Variants in AIG1 observed in about 807,000 individuals in gnomAD.
AIG1 encodes androgen-induced gene 1 protein.
In AIG1, 23 loss-of-function variants were observed where a neutral mutation model predicts 31.4. That is an observed-to-expected ratio of 0.73 (90% CI 0.53 to 1.04). The LOEUF is 1.04. AIG1 is among the 50% of genes least tolerant of loss of function. The pLI is 0.00. For missense variants in AIG1, 274 were observed against 295.0 expected (o/e 0.93, Z 0.52); for synonymous variants, 100 against 110.5 (o/e 0.90, Z 0.60).
rs1562481204 is a variant in AIG1 at position 143,196,390 on chromosome 6, CACACA to C, written c.399+31208_399+31212del. On this transcript the variant is annotated intron_variant, in intron 3 of 5. Coordinates refer to ENST00000357847, the MANE Select transcript of AIG1 (RefSeq NM_016108.4). Reference sequence around the variant, plus strand: ...ACACACACACACACACACACACACACACACACCCCAATTTGATAAGTTGGAAAACT... The same window carrying C: ...ACACACACACACACACACACACACACCCCCAATTTGATAAGTTGGAAAACT... 2.3e-4 allele frequency among the ~76,000 whole-genome samples: 35 copies of C among 149,824 alleles called. 1 individual carries two copies. The East Asian group carries it at 6.4e-3, about 27-fold the overall frequency.
intron 2 of AIG1, among the ~76,000 whole-genome samples, chr6:143,138,390 A>G (rs1013878789): frequency 3.3e-5 from 5 of 152,174 alleles, no homozygotes; most frequent in Admixed American, 3.3e-4. Context: ...AAAGATACAT[A>G]CTTTCTGCAT....
At chr6:143,237,624 T>C (rs541707385) in intron 3 of AIG1, among the ~76,000 whole-genome samples, 5 of 152,216 alleles carry the variant, frequency 3.3e-5, no homozygotes, top group African/African-American at 4.8e-5. Flanking sequence ...ACCTATTCAG[T>C]AGATAACATG....
At chr6:143,118,855 A>G (rs1781981615) in intron 1 of AIG1, among the ~76,000 whole-genome samples, 1 of 152,004 alleles carries the variant, frequency 6.6e-6, no homozygotes, top group South Asian at 2.1e-4. Context: ...GAGTGTCCCA[A>G]AGAAAGAATT....
intron 4 of AIG1, among the ~76,000 whole-genome samples, chr6:143,306,264 C>T (rs1235597682): frequency 6.6e-6 from 1 of 151,934 alleles, no homozygotes; most frequent in African/African-American, 2.4e-5. Context: ...TTGATCCTGT[C>T]ATTTTGATGT....
intron 2 of AIG1, among the ~76,000 whole-genome samples, chr6:143,146,063 G>C (rs1052641705): frequency 6.6e-6 from 1 of 152,026 alleles, no homozygotes; most frequent in Non-Finnish European, 1.5e-5. Context: ...TTTGTCAGAG[G>C]TGTCCCTTGC....
rs531059958 is a variant in AIG1, at chr6:143,324,035, G to C, written c.516-9247G>C. Reference sequence around the variant, plus strand: ...GTCCTTCAGGAGCTTCAGGTTGGAGGTACCATGAGAGGCTCACAGAAACCT... The same window carrying C: ...GTCCTTCAGGAGCTTCAGGTTGGAGCTACCATGAGAGGCTCACAGAAACCT... On this transcript the variant is annotated intron_variant, in intron 4 of 5. Transcript: ENST00000357847. 6.6e-5 allele frequency among the ~76,000 whole-genome samples: 10 copies of C among 152,258 alleles called. No homozygotes were observed. The East Asian group carries it at 9.6e-4, about 15-fold the overall frequency.
chr6:143,146,385 T>C (rs1784711924), intron 2 of AIG1, among the ~76,000 whole-genome samples: 1 of 152,160 alleles, frequency 6.6e-6, no homozygotes, highest in African/African-American at 2.4e-5. Flanking sequence ...TATATGCCCT[T>C]GTTTTGGGGA....
rs11391392 is a variant in AIG1 at position 143,340,459 on chromosome 6, AT to A, written c.*793del. On this transcript the variant is annotated 3_prime_UTR_variant, in exon 6 of 6. Coordinates refer to ENST00000357847, the MANE Select transcript of AIG1 (RefSeq NM_016108.4). The stretch of plus-strand genomic sequence containing the variant: ...AATCTTTTTGATAACTCCAAAACAA[AT>A]TTTTTTTTTCTTTTTTTCCAGATGG... 4.0e-5 allele frequency among the ~76,000 whole-genome samples: 6 copies of A among 150,940 alleles called. No homozygotes were observed. In the South Asian group the frequency reaches 6.3e-4, roughly 16 times the overall value.
rs375779696 is a variant in AIG1 at position 143,135,951 on chromosome 6, A to G, written c.142-884A>G. ...GTATGACTTTGTGTGCAGGGGATAC[A>G]TTTTCTGCCCTTTCCATAATTTGAA... On this transcript the variant is annotated intron_variant, in intron 1 of 5. Coordinates refer to ENST00000357847, the MANE Select transcript of AIG1 (RefSeq NM_016108.4). Among the ~76,000 whole-genome samples, 4 of 152,264 alleles carry G rather than the reference A, an allele frequency of 2.6e-5. No homozygotes were observed. The East Asian group carries it at 7.7e-4, about 29-fold the overall frequency.
At chr6:143,203,717 T>C (rs1345957508) in intron 3 of AIG1, among the ~76,000 whole-genome samples, 1 of 152,186 alleles carries the variant, frequency 6.6e-6, no homozygotes, top group East Asian at 1.9e-4. Flanking sequence ...ATGAATATCC[T>C]TGGTTGGATC....
intron 1 of AIG1, among the ~76,000 whole-genome samples, chr6:143,082,120 G>A (rs1778318210): frequency 1.3e-5 from 2 of 152,158 alleles, no homozygotes; most frequent in South Asian, 4.1e-4. Context: ...TGGGCATGGA[G>A]GACTAGGTAA....
chr6:143,197,617 G>A lies in AIG1; in HGVS notation c.399+32434G>A, dbSNP rs540263260. Among the ~76,000 whole-genome samples the A allele has an allele frequency of 4.6e-5, 7 of 152,316 alleles. No individual in the cohort carries two copies. In the East Asian group the frequency reaches 1.2e-3, roughly 25 times the overall value. ...AATCATGAGACAATGGAATGTGAGTGGACATTATGTAATAATTTGCAGATC... is the reference window on the plus strand; with the variant it reads ...AATCATGAGACAATGGAATGTGAGTAGACATTATGTAATAATTTGCAGATC... On this transcript the variant is annotated intron_variant, in intron 3 of 5. Transcript: ENST00000357847.
chr6:143,172,171 A>G (rs1787702587), intron 3 of AIG1, among the ~76,000 whole-genome samples: 1 of 152,104 alleles, frequency 6.6e-6, no homozygotes, highest in Non-Finnish European at 1.5e-5. Context: ...TTTGCTGTGC[A>G]GAAGCTTTTT....
chr6:143,222,612 T>C (rs1212600137), intron 3 of AIG1, among the ~76,000 whole-genome samples: 1 of 152,194 alleles, frequency 6.6e-6, no homozygotes, highest in Non-Finnish European at 1.5e-5. Flanking sequence ...TTTCTGGCAG[T>C]TTAAAAACTC....
At chr6:143,092,731 C>T (rs904769123) in intron 1 of AIG1, among the ~76,000 whole-genome samples, 1 of 152,064 alleles carries the variant, frequency 6.6e-6, no homozygotes. Flanking sequence ...TAGCCCCTAA[C>T]AAGAGAGTAA....
chr6:143,271,525 T>A (rs545166194), intron 3 of AIG1, among the ~76,000 whole-genome samples: 18 of 152,322 alleles, frequency 1.2e-4, no homozygotes, highest in African/African-American at 4.1e-4. Flanking sequence ...CAAAATAACA[T>A]TTATTTTCAT....
Position 143,291,444 on chromosome 6 carries a change from T to G in AIG1, c.515+7219T>G, listed in dbSNP as rs866422892. 2.6e-5 allele frequency among the ~76,000 whole-genome samples: 4 copies of G among 152,058 alleles called. No homozygotes were observed. Among genetic ancestry groups the G allele is most frequent in the Non-Finnish European group, 2.9e-5 (2 of 67,994 alleles). On this transcript the variant is annotated intron_variant, in intron 4 of 5. Transcript: ENST00000357847. This position sits in a 1 kb window ranked among gnomAD's most constrained non-coding sequence, Gnocchi z 4.2. The stretch of plus-strand genomic sequence containing the variant: ...GGAAGCTCTTCATTTCAGAAACCCT[T>G]CAGAGACCCCTGCAAACCTCACACT...
chr6:143,309,426 T>C (rs1775085183), intron 4 of AIG1, among the ~76,000 whole-genome samples: 1 of 152,066 alleles, frequency 6.6e-6, no homozygotes, highest in Non-Finnish European at 1.5e-5. Flanking sequence ...TGCTTTTTAA[T>C]GTTACAAAGG....
chr6:143,070,406 C>A (rs1005550287), intron 1 of AIG1, among the ~76,000 whole-genome samples: 1 of 151,622 alleles, frequency 6.6e-6, no homozygotes, highest in Admixed American at 6.6e-5. Flanking sequence ...AGGTTTATAC[C>A]TATTTTATTT....
Sources: allele counts gnomAD v4.1 joint callset (sites outside exome capture counted in the v4.1 genomes callset), GRCh38; gene constraint gnomAD v4.1.1; non-coding constraint Gnocchi (gnomAD v3.1); transcripts MANE v1.5; gene names NCBI Gene and HGNC (gene_info 2026-07-23, HGNC 2026-07-21).